The following SMYD3 variants were observed in gnomAD, a reference collection of about 807,000 sequenced individuals.
SMYD3 encodes the protein histone-lysine N-methyltransferase SMYD3.
SMYD3 carries 36 observed loss-of-function variants against 57.7 expected under a neutral mutation model. That is an observed-to-expected ratio of 0.62 (90% CI 0.48 to 0.82). The LOEUF (loss-of-function observed/expected upper bound fraction) is 0.82, where lower values mean the gene tolerates loss of function less well. Among genes scored for constraint, SMYD3 ranks in the 40% least tolerant of loss-of-function variants. The pLI is 0.00. For missense variants in SMYD3, 515 were observed against 538.8 expected (o/e 0.96, Z 0.44); for synonymous variants, 211 against 195.0 (o/e 1.08, Z -0.68).
intron 5 of SMYD3, chr1:246,035,422 G>A (rs914406587): frequency 2.0e-5 from 3 of 152,204 alleles, no homozygotes; most frequent in Non-Finnish European, 4.4e-5. Context: ...ACAGCCCCGC[G>A]GCACAGTTCC....
intron 4 of SMYD3, among the ~76,000 whole-genome samples, chr1:246,327,929 C>CA (rs2065382099): frequency 6.6e-6 from 1 of 152,186 alleles, no homozygotes; most frequent in African/African-American, 2.4e-5. Flanking sequence ...CGCCGTGACT[C>CA]ACGCCTGTAA....
At chr1:246,096,027 T>C (rs2060907821) in intron 5 of SMYD3, among the ~76,000 whole-genome samples, 1 of 152,216 alleles carries the variant, frequency 6.6e-6, no homozygotes, top group Admixed American at 6.5e-5. Flanking sequence ...TTTTCTTCAA[T>C]ATTTATTGGA....
intron 9 of SMYD3, among the ~76,000 whole-genome samples, chr1:245,859,876 A>C (rs1473986077): frequency 6.6e-6 from 1 of 152,244 alleles, no homozygotes; most frequent in Non-Finnish European, 1.5e-5. Flanking sequence ...GAGGAAGTCA[A>C]AGTGCTTAAT....
intron 10 of SMYD3, among the ~76,000 whole-genome samples, chr1:245,789,425 G>A (rs182661669): frequency 9.9e-5 from 15 of 152,166 alleles, no homozygotes; most frequent in Non-Finnish European, 2.1e-4. Context: ...TGTAAGCAAG[G>A]AAATATTCCA....
At chr1:246,354,175 CA>C (rs2065875355) in intron 2 of SMYD3, among the ~76,000 whole-genome samples, 1 of 152,102 alleles carries the variant, frequency 6.6e-6, no homozygotes, top group Admixed American at 6.5e-5. Flanking sequence ...GACATAGACA[CA>C]AAACCTCTAA....
At chr1:245,931,298 T>C (rs2056702241) in intron 5 of SMYD3, among the ~76,000 whole-genome samples, 1 of 152,126 alleles carries the variant, frequency 6.6e-6, no homozygotes, top group African/African-American at 2.4e-5. Context: ...TGATAGACAA[T>C]GGTGACTCGG....
chr1:245,806,782 C>A (rs574903428), intron 10 of SMYD3, among the ~76,000 whole-genome samples: 6 of 150,984 alleles, frequency 4.0e-5, no homozygotes, highest in Admixed American at 2.6e-4. Context: ...CGGTGGCGGG[C>A]GCCTGTAGTC....
chr1:246,240,755 C>T (rs2063594656), intron 5 of SMYD3, among the ~76,000 whole-genome samples: 1 of 152,172 alleles, frequency 6.6e-6, no homozygotes, highest in Admixed American at 6.5e-5. Flanking sequence ...TTTGTGTCCT[C>T]TTTTATTTCA....
chr1:246,359,839 C>A (rs1249120176), intron 1 of SMYD3, among the ~76,000 whole-genome samples: 1 of 152,126 alleles, frequency 6.6e-6, no homozygotes, highest in Admixed American at 6.5e-5. Context: ...CTAAGACAAA[C>A]CCACAGCCAA....
chr1:246,343,182 G>T (rs1456777052), intron 2 of SMYD3, among the ~76,000 whole-genome samples: 1 of 152,078 alleles, frequency 6.6e-6, no homozygotes, highest in East Asian at 1.9e-4. Flanking sequence ...ATATGAAGAC[G>T]AAATGACTTA....
In SMYD3 at chr1:245,808,757, C is replaced by CT. The variant is rs35958353; in HGVS notation, c.1077-44609dup. ...TTGGAAATAAATTAGGTTGTGATTT[C>CT]TTTTTTTTTTAGTTTTTATTTGTGA... On this transcript the variant is annotated intron_variant, in intron 10 of 11. Coordinates refer to ENST00000490107, the MANE Select transcript of SMYD3 (RefSeq NM_001167740.2). Among the ~76,000 whole-genome samples, 240 of 148,722 alleles carry CT rather than the reference C, an allele frequency of 1.6e-3. No homozygotes were observed. In the East Asian group the frequency reaches 0.021, roughly 13 times the overall value.
chr1:246,493,181 A>G (rs1023493003), intron 1 of SMYD3, among the ~76,000 whole-genome samples: 2 of 142,866 alleles, frequency 1.4e-5, no homozygotes, highest in African/African-American at 5.1e-5. Flanking sequence ...GGAGGTGGCC[A>G]GGCACATTGG....
At chr1:245,957,860 G>A (rs1166687837) in intron 5 of SMYD3, among the ~76,000 whole-genome samples, 1 of 152,126 alleles carries the variant, frequency 6.6e-6, no homozygotes, top group Non-Finnish European at 1.5e-5. Flanking sequence ...AAAGTAATAA[G>A]GGAAACCTTT....
intron 5 of SMYD3, among the ~76,000 whole-genome samples, chr1:245,951,812 G>GT (rs2057663152): frequency 6.6e-6 from 1 of 151,812 alleles, no homozygotes; most frequent in Admixed American, 6.6e-5. Flanking sequence ...CTTTTCTTGA[G>GT]TTATATACAG....
At chr1:246,501,273 C>G (rs1409048852) in intron 1 of SMYD3, among the ~76,000 whole-genome samples, 1 of 152,170 alleles carries the variant, frequency 6.6e-6, no homozygotes, top group Non-Finnish European at 1.5e-5. Context: ...CTCTACTGAC[C>G]CTTAAACCTT....
At chr1:245,817,954 A>C (rs1214321321) in intron 10 of SMYD3, among the ~76,000 whole-genome samples, 1 of 152,128 alleles carries the variant, frequency 6.6e-6, no homozygotes, top group Non-Finnish European at 1.5e-5. Flanking sequence ...GAGAATGGAA[A>C]CAAGTTGGAA....
intron 5 of SMYD3, among the ~76,000 whole-genome samples, chr1:246,225,381 A>G (rs1333158945): frequency 1.3e-5 from 2 of 148,554 alleles, no homozygotes; most frequent in African/African-American, 5.0e-5. Context: ...AGATTTGGCA[A>G]GACTAAAGGT....
At chr1:246,367,772 C>G (rs1464162869) in intron 1 of SMYD3, among the ~76,000 whole-genome samples, 3 of 152,150 alleles carry the variant, frequency 2.0e-5, no homozygotes, top group Non-Finnish European at 4.4e-5. Flanking sequence ...ATGTATCAGT[C>G]AGAGAAAAGT....
chr1:245,864,624 G>C (rs1210883351), intron 8 of SMYD3, among the ~76,000 whole-genome samples: 1 of 152,136 alleles, frequency 6.6e-6, no homozygotes, highest in Non-Finnish European at 1.5e-5. Flanking sequence ...GAGGGAACTG[G>C]AGAGTCACTG....
Sources: gnomAD v4.1 joint callset for allele counts (sites outside exome capture counted in the v4.1 genomes callset) on GRCh38, gnomAD v4.1.1 for gene constraint, MANE v1.5 for transcripts, NCBI Gene and HGNC (gene_info 2026-07-23, HGNC 2026-07-21) for gene names.